LRRC36: variants seen among roughly 807,000 people sequenced by gnomAD.
LRRC36 encodes leucine rich repeat containing 36, also known as leucine-rich repeat-containing protein 36.
In LRRC36, 62 loss-of-function variants were observed where a neutral mutation model predicts 81.1. That is an observed-to-expected ratio of 0.76 (90% CI 0.62 to 0.94). The LOEUF (loss-of-function observed/expected upper bound fraction) is 0.94. Ranked by LOEUF, LRRC36 falls within the 40% of genes least tolerant of loss-of-function variation. The pLI is 0.00. For synonymous variants in LRRC36, 334 were observed against 348.6 expected (o/e 0.96, Z 0.47); for missense variants, 761 against 881.7 (o/e 0.86, Z 1.73).
chr16:67,342,271 T>C (rs944478484), intron 2 of LRRC36, among the ~76,000 whole-genome samples, 187 bp downstream of exon 2: 2 of 152,202 alleles, frequency 1.3e-5, no homozygotes, highest in Non-Finnish European at 2.9e-5. Context: ...TTATAAAATA[T>C]TGGGAGGGCA....
At chr16:67,333,044 A>G (rs1486133283) in intron 1 of LRRC36, among the ~76,000 whole-genome samples, 1 of 152,010 alleles carries the variant, frequency 6.6e-6, no homozygotes, top group Non-Finnish European at 1.5e-5. Context: ...GGTGTGCACC[A>G]CCATGCCCAG....
intron 5 of LRRC36, among the ~76,000 whole-genome samples, chr16:67,352,694 T>C (rs1597457949): frequency 1.3e-5 from 2 of 150,164 alleles, no homozygotes; most frequent in South Asian, 4.2e-4. Flanking sequence ...TATTTATTTT[T>C]TGAGGCAGGG....
At chr16:67,368,063 A>G (rs1034196032) in intron 8 of LRRC36, among the ~76,000 whole-genome samples, 5 of 152,204 alleles carry the variant, frequency 3.3e-5, no homozygotes, top group Non-Finnish European at 5.9e-5. Context: ...CTTGAAAACA[A>G]AAACAGAAGT....
intron 8 of LRRC36, among the ~76,000 whole-genome samples, chr16:67,369,324 T>C (rs2039538627): frequency 6.6e-6 from 1 of 152,094 alleles, no homozygotes; most frequent in African/African-American, 2.4e-5. Flanking sequence ...GAGGAAGTAA[T>C]ATCCTGGAAG....
intron 9 of LRRC36, among the ~76,000 whole-genome samples, chr16:67,374,621 C>T (rs2039805579): frequency 6.6e-6 from 1 of 151,892 alleles, no homozygotes; most frequent in Non-Finnish European, 1.5e-5. Context: ...GTCTCGAGCT[C>T]CTGAGATCAA....
intron 5 of LRRC36, among the ~76,000 whole-genome samples, chr16:67,351,071 G>C (rs117462703): frequency 2.0e-5 from 3 of 152,094 alleles, no homozygotes; most frequent in Admixed American, 6.6e-5. Context: ...TAAATAAAGT[G>C]GTTATGCCAC....
intron 1 of LRRC36, among the ~76,000 whole-genome samples, chr16:67,334,411 G>A (rs978125181): frequency 2.0e-5 from 3 of 151,830 alleles, no homozygotes; most frequent in Admixed American, 6.6e-5. Context: ...AGCAACCTCC[G>A]CCTCCTGGGT....
In LRRC36 at chr16:67,371,021, G is replaced by C; in HGVS notation, c.1273G>C (p.Asp425His). The C allele has an allele frequency of 6.2e-7, 1 of 1,614,148 alleles. No individual in the cohort carries two copies. The highest frequency in any genetic ancestry group is 8.5e-7 in the Non-Finnish European group (1 of 1,180,020). Reference sequence around the variant, plus strand: ...AGAGCAACAATTATCTACCAGCCTGGATGATTTAACACCAGCACATGGTTC... The same window carrying C: ...AGAGCAACAATTATCTACCAGCCTGCATGATTTAACACCAGCACATGGTTC... ...NVEQQLSTSL[D>H]DLTPAHGSVP... is the part of the protein sequence containing the mutation. Residue 425 changes from aspartate (D) to histidine (H), a missense_variant, in exon 9 of 14, where the codon GAT becomes CAT. Physicochemically the swap from Asp to His is moderately conservative, Grantham distance 81. Around this residue, in one of 3 missense-constraint regions of LRRC36, gnomAD observed 359 missense variants for 388.4 expected, o/e 0.92. Transcript: ENST00000329956.
chr16:67,361,396 A>G (rs936263783), intron 5 of LRRC36, among the ~76,000 whole-genome samples: 1 of 152,144 alleles, frequency 6.6e-6, no homozygotes, highest in Non-Finnish European at 1.5e-5. Context: ...ACTGGGCTAC[A>G]GTTTTTGTTA....
At chr16:67,364,713 C>A (rs1178896494) in intron 6 of LRRC36, among the ~76,000 whole-genome samples, 2 of 144,554 alleles carry the variant, frequency 1.4e-5, no homozygotes, top group African/African-American at 2.5e-5. Context: ...AAAAAAACTT[C>A]TCTGAAATTA....
chr16:67,353,245 G>T (rs549207728), intron 5 of LRRC36, among the ~76,000 whole-genome samples: 350 of 152,212 alleles, frequency 2.3e-3, no homozygotes, highest in Middle Eastern at 0.01. Context: ...TATTACCACA[G>T]CTTTCCCATT....
At position 67,350,280 on chromosome 16, in the gene LRRC36, G is replaced by A. The variant is rs1415265067; in HGVS notation, c.567G>A (p.Arg189=). ...ASKVSANVDS[R]IEMDSNKGLF... The stretch of plus-strand genomic sequence containing the variant: ...AAGTCAGTGCTAATGTTGACAGCAG[G>A]ATTGAAATGGGTAAGTTTTCTCCCT... The change falls in exon 5 of 14, where the codon AGG becomes AGA. Residue 189 remains arginine (R), a synonymous_variant. Transcript: ENST00000329956. 6.2e-7 allele frequency: 1 copy of A among 1,612,042 alleles called. No homozygotes were observed. Among genetic ancestry groups the A allele is most frequent in the East Asian group, 2.2e-5 (1 of 44,858 alleles).
At chr16:67,354,568 G>T (rs2038812554) in intron 5 of LRRC36, among the ~76,000 whole-genome samples, 1 of 152,120 alleles carries the variant, frequency 6.6e-6, no homozygotes, top group African/African-American at 2.4e-5. Context: ...GTGAAACACT[G>T]CACCTGGCCA....
chr16:67,365,422 T>C, intron 7 of LRRC36, 67 bp downstream of exon 7: 3 of 1,419,082 alleles, frequency 2.1e-6, no homozygotes, highest in Non-Finnish European at 3.0e-6. Flanking sequence ...GTGATGGGAT[T>C]TGGGAGATGA....
intron 13 of LRRC36, among the ~76,000 whole-genome samples, chr16:67,383,017 A>C (rs1386380603): frequency 1.3e-5 from 2 of 150,664 alleles, no homozygotes; most frequent in Non-Finnish European, 3.0e-5. Context: ...AGATAGCAGC[A>C]AGCCGAGATC....
chr16:67,327,331 T>C (rs9927304), intron 1 of LRRC36, among the ~76,000 whole-genome samples: 26,862 of 151,622 alleles, frequency 0.18, 5,685 homozygotes, highest in African/African-American at 0.51. Context: ...CCGTCTCTAC[T>C]AAAATACAAA....
rs542636859 is a variant in LRRC36, at chr16:67,331,755, AG to A, written c.70+4829del. Among the ~76,000 whole-genome samples the A allele has an allele frequency of 3.3e-5, 5 of 152,182 alleles. No individual in the cohort carries two copies. In the East Asian group the frequency reaches 5.8e-4, roughly 18 times the overall value. The stretch of plus-strand genomic sequence containing the variant: ...GTAATCCCAGCACTTTGGGAAGCCG[AG>A]GGGGGTGGATCACCTGAGGTTGGGA... On this transcript the variant is annotated intron_variant, in intron 1 of 13. Transcript: ENST00000329956.
intron 5 of LRRC36, among the ~76,000 whole-genome samples, chr16:67,351,506 A>C (rs2038632850): frequency 6.6e-6 from 1 of 152,184 alleles, no homozygotes; most frequent in African/African-American, 2.4e-5. Flanking sequence ...CAGGAATTCA[A>C]CACCTGCCTG....
At chr16:67,348,748 G>A (rs989665619) in intron 4 of LRRC36, 2 of 152,142 alleles carry the variant, frequency 1.3e-5, no homozygotes, top group African/African-American at 4.8e-5. Flanking sequence ...TAAACTCCAT[G>A]AGAACAAGGA....
Sources: allele counts gnomAD v4.1 joint callset (sites outside exome capture counted in the v4.1 genomes callset), GRCh38; gene constraint gnomAD v4.1.1; regional missense constraint gnomAD v4.1.1; transcripts MANE v1.5; gene names NCBI Gene and HGNC (gene_info 2026-07-23, HGNC 2026-07-21).